MCM9: variants seen among roughly 807,000 people sequenced by gnomAD.
MCM9 encodes DNA helicase MCM9.
MCM9 carries 55 observed loss-of-function variants against 72.8 expected under a neutral mutation model. That is an observed-to-expected ratio of 0.76 (90% CI 0.61 to 0.95). The LOEUF (loss-of-function observed/expected upper bound fraction) is 0.95. Among genes scored for constraint, MCM9 ranks in the 40% least tolerant of loss-of-function variants. The pLI, the probability that MCM9 is intolerant of heterozygous loss-of-function variation, is 0.00. For synonymous variants in MCM9, 480 were observed against 503.4 expected, an observed-to-expected ratio of 0.95 and a Z score of 0.62; for missense variants, 1,279 against 1,377.0, an observed-to-expected ratio of 0.93 and a Z score of 1.13.
intron 9 of MCM9, among the ~76,000 whole-genome samples, chr6:118,833,803 T>C (rs978056496): frequency 6.6e-6 from 1 of 152,154 alleles, no homozygotes; most frequent in African/African-American, 2.4e-5. Flanking sequence ...GGAGTTTTTT[T>C]AAACAGGTAT....
intron 8 of MCM9, among the ~76,000 whole-genome samples, chr6:118,887,332 A>G (rs1426009703): frequency 6.6e-6 from 1 of 152,244 alleles, no homozygotes; most frequent in Non-Finnish European, 1.5e-5. Context: ...AGACCCATAC[A>G]TTTAAGGTCA....
intron 9 of MCM9, among the ~76,000 whole-genome samples, chr6:118,831,003 T>C (rs567833031): frequency 1.8e-4 from 28 of 152,290 alleles, no homozygotes; most frequent in African/African-American, 5.3e-4. Context: ...GGGGATATAA[T>C]TGGAGAGTTT....
rs1773292943 is a variant in MCM9 at position 118,814,645 on chromosome 6, T to C, written c.*179A>G. 9.2e-6 allele frequency: 5 copies of C among 544,162 alleles called. No homozygotes were observed. In the East Asian group the frequency reaches 1.5e-4, roughly 17 times the overall value. 33.7% of individuals were successfully genotyped at this position (544,162 alleles called of 1,614,324 possible). A position where few individuals can be genotyped will look rare whatever the true frequency, so the allele number is the denominator to read the frequency against. Reference sequence around the variant, plus strand: ...GTATCACACTGACCTCAACTGATTATACAACTTTTTAAGTCATGAAGATTA... The same window carrying C: ...GTATCACACTGACCTCAACTGATTACACAACTTTTTAAGTCATGAAGATTA... On this transcript the variant is annotated 3_prime_UTR_variant, in exon 14 of 14. Coordinates refer to ENST00000619706, the MANE Select transcript of MCM9 (RefSeq NM_017696.3).
At position 118,923,801 on chromosome 6, in the gene MCM9, G is replaced by C. The variant is rs368139493; in HGVS notation, c.621+10C>G. The stretch of plus-strand genomic sequence containing the variant: ...TCAAATTTATTTATCTCGTTTATGT[G>C]ATTATTTACCTGTTCCTGAATTTTG... On this transcript the variant is annotated intron_variant, in intron 4 of 13. Transcript: ENST00000619706. 3 of 1,608,226 alleles carry C rather than the reference G, an allele frequency of 1.9e-6. No homozygotes were observed. The African/African-American group carries it at 4.0e-5, about 22-fold the overall frequency.
intron 8 of MCM9, among the ~76,000 whole-genome samples, chr6:118,868,459 A>G (rs1164780961): frequency 6.6e-6 from 1 of 152,218 alleles, no homozygotes; most frequent in African/African-American, 2.4e-5. Flanking sequence ...GTGGCAAAAG[A>G]AACTACCCTC....
intron 8 of MCM9, among the ~76,000 whole-genome samples, chr6:118,866,628 C>G (rs1365910884): frequency 2.0e-5 from 3 of 152,122 alleles, no homozygotes; most frequent in Non-Finnish European, 4.4e-5. Flanking sequence ...TACTGGAAAT[C>G]ATCCAGTCTG....
intron 6 of MCM9, among the ~76,000 whole-genome samples, chr6:118,915,590 T>A (rs1780878501): frequency 6.6e-6 from 1 of 152,138 alleles, no homozygotes; most frequent in Non-Finnish European, 1.5e-5. Flanking sequence ...AACCTCCAAG[T>A]GCTGATCAGT....
chr6:118,878,558 A>G (rs964883903), intron 8 of MCM9, among the ~76,000 whole-genome samples: 11 of 152,178 alleles, frequency 7.2e-5, no homozygotes, highest in African/African-American at 2.7e-4. Context: ...TTGTATGACA[A>G]TAATAGCACA....
chr6:118,922,211 G>T, intron 4 of MCM9, 125 bp from the exon 5 acceptor site: 2 of 620,634 alleles, frequency 3.2e-6, no homozygotes, highest in South Asian at 3.2e-5. Flanking sequence ...ATTATAATGG[G>T]GATTTAAGTA....
intron 9 of MCM9, among the ~76,000 whole-genome samples, chr6:118,835,057 T>C (rs1255811658): frequency 1.3e-5 from 2 of 152,220 alleles, no homozygotes; most frequent in Admixed American, 1.3e-4. Context: ...AGTATCAGTT[T>C]TCTGCATATG....
chr6:118,836,368 G>A (rs896149882), intron 9 of MCM9, among the ~76,000 whole-genome samples: 2 of 152,262 alleles, frequency 1.3e-5, no homozygotes, highest in African/African-American at 4.8e-5. Context: ...CATAAAATGA[G>A]TTGGGGGGAG....
chr6:118,908,170 T>C (rs1780300275), intron 8 of MCM9: 1 of 152,496 alleles, frequency 6.6e-6, no homozygotes, highest in Non-Finnish European at 1.5e-5. Context: ...TTATGGCTAC[T>C]ATTATAGTTC....
intron 9 of MCM9, among the ~76,000 whole-genome samples, chr6:118,831,170 T>C (rs1332736989): frequency 6.6e-6 from 1 of 151,904 alleles, no homozygotes; most frequent in East Asian, 1.9e-4. Context: ...CTAGTCAACA[T>C]GGTGAAACCC....
chr6:118,925,123 G>A (rs2049876812), intron 3 of MCM9, among the ~76,000 whole-genome samples: 2 of 151,636 alleles, frequency 1.3e-5, no homozygotes, highest in Non-Finnish European at 2.9e-5. Flanking sequence ...GAGAGGAGGG[G>A]AGGAGGAAAA....
chr6:118,824,271 G>A (rs1413295722), intron 13 of MCM9, among the ~76,000 whole-genome samples: 1 of 151,862 alleles, frequency 6.6e-6, no homozygotes, highest in Non-Finnish European at 1.5e-5. Flanking sequence ...ACTGATAATT[G>A]TTAAAGTTCT....
intron 8 of MCM9, among the ~76,000 whole-genome samples, chr6:118,859,794 C>G (rs2114696387): frequency 6.6e-6 from 1 of 152,296 alleles, no homozygotes; most frequent in South Asian, 2.1e-4. Flanking sequence ...CTTAACAATG[C>G]CTGTCCTCAA....
At chr6:118,921,136 T>C (rs754129800) in intron 5 of MCM9, 1 of 152,206 alleles carries the variant, frequency 6.6e-6, no homozygotes, top group Non-Finnish European at 1.5e-5. Flanking sequence ...TTGCAGATTA[T>C]TATCCAGATC....
intron 8 of MCM9, chr6:118,911,232 CAG>C: frequency 1.0e-6 from 1 of 986,862 alleles, no homozygotes; most frequent in Non-Finnish European, 1.2e-6. Context: ...TAAGAAATTT[CAG>C]TAGGAGCTAC....
chr6:118,893,967 C>A (rs1276624054), intron 8 of MCM9: 4 of 933,240 alleles, frequency 4.3e-6, no homozygotes, highest in South Asian at 5.0e-5. Context: ...CCCCCTCCGC[C>A]CCTCTCCGCG....
Sources: allele counts gnomAD v4.1 joint callset (sites outside exome capture counted in the v4.1 genomes callset), GRCh38; gene constraint gnomAD v4.1.1; transcripts MANE v1.5; gene names NCBI Gene and HGNC (gene_info 2026-07-23, HGNC 2026-07-21).